Variants in VPS13B observed in about 807,000 individuals in gnomAD.
VPS13B encodes the protein vacuolar protein sorting 13 homolog B, also known as intermembrane lipid transfer protein VPS13B.
VPS13B carries 285 observed loss-of-function variants against 426.4 expected under a neutral mutation model. That is an observed-to-expected ratio of 0.67 (90% CI 0.61 to 0.74). The LOEUF (loss-of-function observed/expected upper bound fraction) is 0.74, where lower values mean the gene tolerates loss of function less well. Ranked by LOEUF, VPS13B falls within the 30% of genes least tolerant of loss-of-function variation. VPS13B has a pLI of 0.00. For synonymous variants in VPS13B, 1,676 were observed against 1,676.4 expected (o/e 1.00, Z 0.01); for missense variants, 4,537 against 4,782.6 (o/e 0.95, Z 1.51).
At chr8:99,116,131 A>G (rs1847641966) in intron 7 of VPS13B, among the ~76,000 whole-genome samples, 1 of 151,846 alleles carries the variant, frequency 6.6e-6, no homozygotes, top group Non-Finnish European at 1.5e-5. Context: ...AGGTTCAGGC[A>G]GTTCTCTTGC....
Position 99,640,056 on chromosome 8 carries a change from GAAAAGAAAAGAAAAGAAAAGAAA to G in VPS13B, c.5221-1753_5221-1731del, listed in dbSNP as rs1829276966. On this transcript the variant is annotated intron_variant, in intron 33 of 61. Coordinates refer to ENST00000357162, the MANE Select transcript of VPS13B (RefSeq NM_152564.5). Reference sequence around the variant, plus strand: ...GAAGAAGAAGAAGAAGAAGAGAAAAGAAAAGAAAAGAAAAGAAAAGAAAAGAAAAGAAAAGAAAAGAAAAGAAA... The same window carrying G: ...GAAGAAGAAGAAGAAGAAGAGAAAAGAGAAAAGAAAAGAAAAGAAAAGAAA... 3.6e-4 allele frequency among the ~76,000 whole-genome samples: 34 copies of G among 95,156 alleles called. 1 individual carries two copies. Among genetic ancestry groups the G allele is most frequent in the African/African-American group, 4.4e-4 (9 of 20,618 alleles). The allele number at this position is 95,156 out of a possible 152,430, so 62.4% of individuals were successfully genotyped here. A position where few individuals can be genotyped will look rare whatever the true frequency, so the allele number is the denominator to read the frequency against.
intron 19 of VPS13B, among the ~76,000 whole-genome samples, chr8:99,325,622 G>A (rs1810212003): frequency 1.3e-5 from 2 of 152,170 alleles, no homozygotes; most frequent in Admixed American, 1.3e-4. Context: ...ATCTCAATCA[G>A]CTTAAATCTG....
chr8:99,867,647 G>A (rs1817175253), intron 58 of VPS13B, among the ~76,000 whole-genome samples: 1 of 152,122 alleles, frequency 6.6e-6, no homozygotes, highest in Admixed American at 6.5e-5. Context: ...GTGCCTCAGT[G>A]TCCGTATTTG....
chr8:99,534,512 G>A (rs1416297764), intron 30 of VPS13B, among the ~76,000 whole-genome samples: 3 of 151,922 alleles, frequency 2.0e-5, no homozygotes, highest in Non-Finnish European at 2.9e-5. Context: ...AATATATTTT[G>A]GTTATATTAA....
At chr8:99,356,650 C>T (rs1812197920) in intron 19 of VPS13B, among the ~76,000 whole-genome samples, 1 of 152,006 alleles carries the variant, frequency 6.6e-6, no homozygotes, top group Non-Finnish European at 1.5e-5. Flanking sequence ...CTGTCTCAAA[C>T]AAACAAACAA....
At chr8:99,852,099 A>G (rs1247770671) in intron 55 of VPS13B, among the ~76,000 whole-genome samples, 1 of 152,228 alleles carries the variant, frequency 6.6e-6, no homozygotes, top group Non-Finnish European at 1.5e-5. Context: ...GGCTAAAAAT[A>G]GAGGCATCAA....
At chr8:99,288,416 G>T (rs1179862643) in intron 19 of VPS13B, among the ~76,000 whole-genome samples, 1 of 151,840 alleles carries the variant, frequency 6.6e-6, no homozygotes, top group East Asian at 1.9e-4. Context: ...CAATTATTTA[G>T]AGAGAATTAT....
At chr8:99,552,104 G>A (rs1013820718) in intron 30 of VPS13B, among the ~76,000 whole-genome samples, 2 of 151,664 alleles carry the variant, frequency 1.3e-5, no homozygotes, top group African/African-American at 2.4e-5. Flanking sequence ...GATTTCATTG[G>A]ACCTTTCTTT....
intron 12 of VPS13B, among the ~76,000 whole-genome samples, chr8:99,140,201 C>T (rs1810328367): frequency 6.6e-6 from 1 of 151,616 alleles, no homozygotes; most frequent in Non-Finnish European, 1.5e-5. Flanking sequence ...CCCTTCTCTA[C>T]TAAAAATACA....
intron 31 of VPS13B, among the ~76,000 whole-genome samples, chr8:99,558,525 C>T (rs976757888): frequency 4.1e-4 from 62 of 152,186 alleles, no homozygotes; most frequent in Middle Eastern, 6.8e-3. Context: ...TCATCATTTA[C>T]GTTAGGTATT....
chr8:99,626,260 A>G (rs1043334647), intron 33 of VPS13B, among the ~76,000 whole-genome samples: 3 of 152,244 alleles, frequency 2.0e-5, no homozygotes, highest in Admixed American at 2.0e-4. Context: ...TTACTTGACC[A>G]CAAAAAAGCA....
At position 99,784,422 on chromosome 8, in the gene VPS13B, G is replaced by A. The variant is rs1368572071; in HGVS notation, c.7887G>A (p.Leu2629=). Residue 2629 remains leucine (L), a synonymous_variant, in exon 43 of 62, where the codon CTG becomes CTA. Transcript: ENST00000357162. ...FGQVDTDENI[L]LASLHSHQYS... ...AGGTGGATACTGATGAAAATATTCTGCTGGCGAGTCTCCACAGTCACCAGT... is the reference window on the plus strand; with the variant it reads ...AGGTGGATACTGATGAAAATATTCTACTGGCGAGTCTCCACAGTCACCAGT... 6.2e-7 allele frequency: 1 copy of A among 1,613,602 alleles called. No homozygotes were observed. Among genetic ancestry groups the A allele is most frequent in the Non-Finnish European group, 8.5e-7 (1 of 1,179,718 alleles).
intron 31 of VPS13B, among the ~76,000 whole-genome samples, chr8:99,561,424 G>GTGTA (rs1466239413): frequency 6.6e-6 from 1 of 152,110 alleles, no homozygotes. Flanking sequence ...ATTCCACTGT[G>GTGTA]TGTATGTAAG....
At chr8:99,595,260 A>T (rs1303577359) in intron 33 of VPS13B, among the ~76,000 whole-genome samples, 1 of 151,982 alleles carries the variant, frequency 6.6e-6, no homozygotes, top group Non-Finnish European at 1.5e-5. Flanking sequence ...ACAATATGAT[A>T]CTGGCATAAG....
At chr8:99,372,710 T>C (rs557711328) in intron 19 of VPS13B, among the ~76,000 whole-genome samples, 4 of 152,174 alleles carry the variant, frequency 2.6e-5, no homozygotes, top group Non-Finnish European at 5.9e-5. Context: ...TTTTACACAG[T>C]TGGCAGGAGT....
chr8:99,523,899 GCAC>G (rs1822509999), intron 30 of VPS13B, among the ~76,000 whole-genome samples: 2 of 152,126 alleles, frequency 1.3e-5, no homozygotes, highest in Admixed American at 1.3e-4. Flanking sequence ...ACTAAATAAG[GCAC>G]CAGGGACCAA....
intron 19 of VPS13B, among the ~76,000 whole-genome samples, chr8:99,288,973 G>A (rs2133039915): frequency 6.6e-6 from 1 of 152,064 alleles, no homozygotes; most frequent in South Asian, 2.1e-4. Context: ...GAGGTGGAAG[G>A]ATCACTTGAG....
At chr8:99,779,054 T>C (rs753357904) in intron 42 of VPS13B, 23 bp downstream of exon 42, 2 of 1,602,748 alleles carry the variant, frequency 1.2e-6, no homozygotes, top group Non-Finnish European at 1.7e-6. Context: ...CATAACAGTT[T>C]ACAGTTTGGC....
rs571202619 is a variant in VPS13B at position 99,656,252 on chromosome 8, G to C, written c.5909-5102G>C. ...ACTCTGAACCAAATTTATGGCTGTG[G>C]GCAGTTTGTCATTTATTCTGACACA... On this transcript the variant is annotated intron_variant, in intron 34 of 61. Transcript: ENST00000357162. Among the ~76,000 whole-genome samples the C allele has an allele frequency of 9.9e-5, 15 of 152,222 alleles. 1 individual carries two copies. Among genetic ancestry groups the C allele is most frequent in the Admixed American group, 7.8e-4 (12 of 15,294 alleles).
Sources: allele counts gnomAD v4.1 joint callset (sites outside exome capture counted in the v4.1 genomes callset), GRCh38; gene constraint gnomAD v4.1.1; transcripts MANE v1.5; gene names NCBI Gene and HGNC (gene_info 2026-07-23, HGNC 2026-07-21).